KTN1: variants seen among roughly 807,000 people sequenced by gnomAD.
KTN1 encodes the protein kinectin 1.
In KTN1, 130 loss-of-function variants were observed where a neutral mutation model predicts 222.5. The observed-to-expected ratio is 0.58, with a 90% CI of 0.51 to 0.68. KTN1 has a LOEUF of 0.68. Among genes scored for constraint, KTN1 ranks in the 30% least tolerant of loss-of-function variants. KTN1 has a pLI of 0.00. For missense variants in KTN1, 1,508 were observed against 1,500.4 expected, an observed-to-expected ratio of 1.01 and a Z score of -0.08; for synonymous variants, 512 against 496.3, an observed-to-expected ratio of 1.03 and a Z score of -0.42.
intron 1 of KTN1, chr14:55,607,290 C>G (rs561654133): frequency 3.9e-4 from 60 of 152,246 alleles, no homozygotes; most frequent in African/African-American, 1.4e-3. Context: ...AATACGTACT[C>G]TGACGAAACA....
At chr14:55,607,166 T>A (rs1443485010) in intron 1 of KTN1, among the ~76,000 whole-genome samples, 1 of 152,176 alleles carries the variant, frequency 6.6e-6, no homozygotes, top group African/African-American at 2.4e-5. Context: ...CATTGTGCCT[T>A]CTGAGAAGTT....
At chr14:55,655,990 T>G in intron 28 of KTN1, 52 bp from the exon 29 acceptor site, 1 of 1,093,022 alleles carries the variant, frequency 9.1e-7, no homozygotes, top group Non-Finnish European at 1.3e-6. Context: ...TGGAGTCTGG[T>G]TTTCCTTTTT....
chr14:55,625,738 T>C (rs114448736), intron 5 of KTN1, among the ~76,000 whole-genome samples: 106 of 152,320 alleles, frequency 7.0e-4, no homozygotes, highest in African/African-American at 2.4e-3. Context: ...AATAGTTTGG[T>C]GGGGTATAAC....
intron 8 of KTN1, among the ~76,000 whole-genome samples, chr14:55,634,083 C>A (rs2040841401): frequency 6.6e-6 from 1 of 151,804 alleles, no homozygotes; most frequent in South Asian, 2.1e-4. Flanking sequence ...GCAGTGAGCC[C>A]AGATTGTGCC....
chr14:55,604,603 G>C (rs2036470101), intron 1 of KTN1, among the ~76,000 whole-genome samples: 3 of 151,918 alleles, frequency 2.0e-5, no homozygotes, highest in Admixed American at 2.0e-4. Context: ...ACTAATTGTT[G>C]GTCTGTCTTA....
chr14:55,603,562 T>A (rs1299229039), intron 1 of KTN1, among the ~76,000 whole-genome samples: 1 of 152,186 alleles, frequency 6.6e-6, no homozygotes, highest in Non-Finnish European at 1.5e-5. Flanking sequence ...CAGTCTCCCT[T>A]GAGAGTTCTT....
At chr14:55,651,284 T>C in intron 24 of KTN1, 1 of 455,972 alleles carries the variant, frequency 2.2e-6, no homozygotes, top group Non-Finnish European at 4.4e-6. Flanking sequence ...TTTTCTAATA[T>C]AGATTGAGAG....
chr14:55,678,935 C>T (rs906678667), intron 42 of KTN1: 1 of 155,882 alleles, frequency 6.4e-6, no homozygotes. Flanking sequence ...CAAAACTGGT[C>T]CCTGGTGCCA....
chr14:55,662,692 T>C (rs2044277574), intron 32 of KTN1, among the ~76,000 whole-genome samples: 1 of 152,124 alleles, frequency 6.6e-6, no homozygotes, highest in African/African-American at 2.4e-5. Context: ...TGGATGTGTG[T>C]TTTCTGTTTT....
rs1169671961 is a variant in KTN1, at chr14:55,639,946, T to C, written c.1857T>C (p.Thr619=). Residue 619 remains threonine, a synonymous_variant, in exon 14 of 44, where the codon ACT becomes ACC. Transcript: ENST00000395314. ...IAEKDKQIKQ[T]EDSLASERDR... ...AAAAGGATAAGCAGATAAAACAGAC[T>C]GAAGATTCTTTAGCAAGTGAACGTG... The C allele has an allele frequency of 1.6e-5, 25 of 1,608,174 alleles. No homozygotes were observed. The highest frequency in any genetic ancestry group is 2.2e-5 in the East Asian group (1 of 44,710).
At chr14:55,653,421 A>C in intron 27 of KTN1, 138 bp from the exon 28 acceptor site, 3 of 641,890 alleles carry the variant, frequency 4.7e-6, no homozygotes, top group Non-Finnish European at 8.1e-6. Flanking sequence ...TCCTTGCTTT[A>C]TAAATGACCC....
At chr14:55,595,309 T>C (rs1202660554) in intron 1 of KTN1, among the ~76,000 whole-genome samples, 1 of 152,222 alleles carries the variant, frequency 6.6e-6, no homozygotes, top group Non-Finnish European at 1.5e-5. Flanking sequence ...AGGTCATTGC[T>C]TGAAAAGTGG....
rs370457834 is a variant in KTN1, at chr14:55,658,575, G to A, written c.2922G>A (p.Lys974=). 9 of 1,603,898 alleles carry A rather than the reference G, an allele frequency of 5.6e-6. No individual in the cohort carries two copies. The highest frequency in any genetic ancestry group is 6.8e-6 in the Non-Finnish European group (8 of 1,172,216). ...TACAAGATGAAAACAAATTGTTTAA[G>A]TCCCAAATTGAGCAGCTTAAACAAC... ...QDVQDENKLF[K]SQIEQLKQQN... The change falls in exon 30 of 44, where the codon AAG becomes AAA. Residue 974 remains lysine, a synonymous_variant. Coordinates refer to ENST00000395314, the MANE Select transcript of KTN1 (RefSeq NM_001079521.2).
At chr14:55,607,922 A>AT (rs1348526026) in intron 1 of KTN1, among the ~76,000 whole-genome samples, 3 of 152,324 alleles carry the variant, frequency 2.0e-5, no homozygotes, top group East Asian at 3.9e-4. Flanking sequence ...AATACTACAC[A>AT]TTTTTTGTGA....
chr14:55,618,246 A>T, intron 4 of KTN1, 112 bp downstream of exon 4: 2 of 786,342 alleles, frequency 2.5e-6, no homozygotes, highest in East Asian at 2.9e-5. Flanking sequence ...AAAGAATCAA[A>T]TCCTTGTGGT....
At chr14:55,661,467 A>G in intron 31 of KTN1, 55 bp from the exon 32 acceptor site, 1 of 883,662 alleles carries the variant, frequency 1.1e-6, no homozygotes, top group Non-Finnish European at 1.9e-6. Flanking sequence ...TAGGGATCTA[A>G]GTTGTATTAC....
rs550117663 is a variant in KTN1 at position 55,602,421 on chromosome 14, G to T, written c.-30-9598G>T. On this transcript the variant is annotated intron_variant, in intron 1 of 43. Coordinates refer to ENST00000395314, the MANE Select transcript of KTN1 (RefSeq NM_001079521.2). ...TTGTAGATACTATATACTTCCTTTC[G>T]CAGTGAGATTATAAATTCATTTAAA... 7.9e-5 allele frequency among the ~76,000 whole-genome samples: 12 copies of T among 152,220 alleles called. No homozygotes were observed. The South Asian group carries it at 2.5e-3, about 32-fold the overall frequency.
At chr14:55,627,529 A>C (rs1225709400) in intron 5 of KTN1, among the ~76,000 whole-genome samples, 1 of 152,100 alleles carries the variant, frequency 6.6e-6, no homozygotes, top group Non-Finnish European at 1.5e-5. Context: ...ATAGGTATAC[A>C]CATGCCGTGG....
chr14:55,662,845 A>G, intron 32 of KTN1: 1 of 455,978 alleles, frequency 2.2e-6, no homozygotes, highest in South Asian at 1.5e-5. Flanking sequence ...ACTTGAGGTG[A>G]ACTTGCCGAT....
Sources: gnomAD v4.1 joint callset for allele counts (sites outside exome capture counted in the v4.1 genomes callset) on GRCh38, gnomAD v4.1.1 for gene constraint, MANE v1.5 for transcripts, NCBI Gene and HGNC (gene_info 2026-07-23, HGNC 2026-07-21) for gene names.